TPR: variants seen among roughly 807,000 people sequenced by gnomAD.
TPR encodes the protein nucleoprotein TPR.
TPR carries 51 observed loss-of-function variants against 316.1 expected under a neutral mutation model. That is an observed-to-expected ratio of 0.16 (90% CI 0.13 to 0.20). The LOEUF is 0.20. TPR is among the 10% of genes least tolerant of loss of function. The pLI is 1.00. For missense variants in TPR, 2,272 were observed against 2,754.8 expected, an observed-to-expected ratio of 0.82 and a Z score of 3.92; for synonymous variants, 981 against 914.7, an observed-to-expected ratio of 1.07 and a Z score of -1.31.
At position 186,361,561 on chromosome 1, in the gene TPR, G is replaced by C. The variant is rs1308860022; in HGVS notation, c.958+61C>G. ...AATCCAATCATCTATACAAAACAAGGGTAAAAAAAAAAAAAGAGTACAATA... is the reference window on the plus strand; with the variant it reads ...AATCCAATCATCTATACAAAACAAGCGTAAAAAAAAAAAAAGAGTACAATA... On this transcript the variant is annotated intron_variant, in intron 9 of 50. Transcript: ENST00000367478. 20 of 1,495,946 alleles carry C rather than the reference G, an allele frequency of 1.3e-5. No homozygotes were observed. In the East Asian group the frequency reaches 4.4e-4, roughly 33 times the overall value. The allele number at this position is 1,495,946 out of a possible 1,614,324, so 92.7% of individuals were successfully genotyped here.
At position 186,327,230 on chromosome 1, in the gene TPR, ATATATTTATATATAT is replaced by A; in HGVS notation, c.5889+215_5889+229del. 8.8e-5 allele frequency among the ~76,000 whole-genome samples: 2 copies of A among 22,608 alleles called. 1 individual carries two copies. The highest frequency in any genetic ancestry group is 3.0e-4 in the African/African-American group (2 of 6,562). 14.8% of individuals were successfully genotyped at this position (22,608 alleles called of 152,430 possible). A position where few individuals can be genotyped will look rare whatever the true frequency, so the allele number is the denominator to read the frequency against. The stretch of plus-strand genomic sequence containing the variant: ...TATATAATATATATAAATATATAAT[ATATATTTATATATAT>A]AATATATATAAATATATAATATATA... On this transcript the variant is annotated intron_variant, in intron 40 of 50. Coordinates refer to ENST00000367478, the MANE Select transcript of TPR (RefSeq NM_003292.3).
intron 38 of TPR, among the ~76,000 whole-genome samples, chr1:186,331,920 C>T (rs1309928468): frequency 6.6e-6 from 1 of 151,990 alleles, no homozygotes. Flanking sequence ...GTCCATGAGA[C>T]TTAGAAACTT....
Position 186,311,887 on chromosome 1 carries a change from G to GT in TPR, c.*2083dup, listed in dbSNP as rs1657266418. ...TTGCACAAGGGCCATGCTAATCTCTGTATCATTCCAGTTTTAGTATATGTG... is the reference window on the plus strand; with the variant it reads ...TTGCACAAGGGCCATGCTAATCTCTGTTATCATTCCAGTTTTAGTATATGTG... On this transcript the variant is annotated 3_prime_UTR_variant, in exon 51 of 51. Coordinates refer to ENST00000367478, the MANE Select transcript of TPR (RefSeq NM_003292.3). 2 of 542,912 alleles carry GT rather than the reference G, an allele frequency of 3.7e-6. No homozygotes were observed. The allele number at this position is 542,912 out of a possible 1,614,324, so 33.6% of individuals were successfully genotyped here.
rs757346920 is a variant in TPR at position 186,351,286 on chromosome 1, G to A, written c.2610+44C>T. 12 of 1,536,696 alleles carry A rather than the reference G, an allele frequency of 7.8e-6. No individual in the cohort carries two copies. In the African/African-American group the frequency reaches 1.1e-4, roughly 14 times the overall value. On this transcript the variant is annotated intron_variant, in intron 20 of 50. Coordinates refer to ENST00000367478, the MANE Select transcript of TPR (RefSeq NM_003292.3). ...CTGTCCACACACCAGATTAATTACT[G>A]AACATAAACACCCTACAGAAATTCA...
chr1:186,355,587 C>T, intron 16 of TPR, 29 bp from the exon 17 acceptor site: 1 of 1,613,420 alleles, frequency 6.2e-7, no homozygotes. Flanking sequence ...GAGAAGGTAA[C>T]ACTGTGTTCT....
intron 5 of TPR, 79 bp from the exon 6 acceptor site, chr1:186,363,080 G>C: frequency 5.7e-6 from 8 of 1,399,884 alleles, no homozygotes; most frequent in Non-Finnish European, 7.7e-6. Flanking sequence ...GTAGCTAAGG[G>C]ACACAAGCAG....
intron 35 of TPR, 83 bp downstream of exon 35, chr1:186,334,985 T>C (rs542947647): frequency 9.3e-6 from 13 of 1,392,128 alleles, no homozygotes; most frequent in African/African-American, 1.4e-5. Flanking sequence ...TACACAGATT[T>C]CTTTTTCCTA....
chr1:186,312,779 T>A lies in TPR; in HGVS notation c.*1192A>T, dbSNP rs1448730112. ...ACATGCCACTTACAGGTGTCCTTCA[T>A]AATGAAGTTAAAGTGAGTATACTGT... is the stretch of plus-strand genomic sequence containing the variant. On this transcript the variant is annotated 3_prime_UTR_variant, in exon 51 of 51. Coordinates refer to ENST00000367478, the MANE Select transcript of TPR (RefSeq NM_003292.3). 1 of 1,612,936 alleles carries A rather than the reference T, an allele frequency of 6.2e-7. No homozygotes were observed. The highest frequency in any genetic ancestry group is 8.5e-7 in the Non-Finnish European group (1 of 1,179,076).
chr1:186,313,011 T>G lies in TPR; in HGVS notation c.*960A>C. On this transcript the variant is annotated 3_prime_UTR_variant, in exon 51 of 51. Coordinates refer to ENST00000367478, the MANE Select transcript of TPR (RefSeq NM_003292.3). ...ATGTGAGAAGTTACACTACGGTACTTATTCTAATTGCTGTGGAAAAGAGTT... is the reference window on the plus strand; with the variant it reads ...ATGTGAGAAGTTACACTACGGTACTGATTCTAATTGCTGTGGAAAAGAGTT... The G allele has an allele frequency of 9.1e-7, 1 of 1,104,788 alleles. No individual in the cohort carries two copies. The highest frequency in any genetic ancestry group is 2.4e-5 in the East Asian group (1 of 41,846). The allele number at this position is 1,104,788 out of a possible 1,614,324, so 68.4% of individuals were successfully genotyped here.
At chr1:186,344,204 G>A in intron 25 of TPR, 114 bp from the exon 26 acceptor site, 1 of 1,398,202 alleles carries the variant, frequency 7.2e-7, no homozygotes. Context: ...GGAGGCTGAG[G>A]CAGGAGAATT....
chr1:186,343,762 G>A, intron 26 of TPR, 144 bp downstream of exon 26: 4 of 895,700 alleles, frequency 4.5e-6, no homozygotes, highest in Non-Finnish European at 6.5e-6. Context: ...ATGTGTAAAT[G>A]TTAAAAGTTA....
At chr1:186,373,320 T>C in intron 2 of TPR, 39 bp downstream of exon 2, 3 of 1,459,130 alleles carry the variant, frequency 2.1e-6, no homozygotes, top group Non-Finnish European at 2.8e-6. Flanking sequence ...AAGATTTCGA[T>C]ACTCCGAGAA....
chr1:186,373,935 T>A (rs759592029), intron 1 of TPR, among the ~76,000 whole-genome samples: 4 of 152,188 alleles, frequency 2.6e-5, no homozygotes, highest in Non-Finnish European at 5.9e-5. Flanking sequence ...AGGGAAGGGA[T>A]TGAATATCAT....
chr1:186,320,172 G>T, intron 46 of TPR, 140 bp downstream of exon 46: 1 of 709,660 alleles, frequency 1.4e-6, no homozygotes, highest in Non-Finnish European at 2.2e-6. Flanking sequence ...GTATACTACA[G>T]CATTTAAAAA....
rs376659204 is a variant in TPR, at chr1:186,374,704, CA to C, written c.151+173del. ...TGAACTTAGATTCAGATTTTTTTTT[CA>C]AAGGCTTCTTATCAAACTGTAAGGA... On this transcript the variant is annotated intron_variant, in intron 1 of 50. Coordinates refer to ENST00000367478, the MANE Select transcript of TPR (RefSeq NM_003292.3). 3.5e-3 allele frequency among the ~76,000 whole-genome samples: 538 copies of C among 151,884 alleles called. 5 individuals carry two copies. Among genetic ancestry groups the C allele is most frequent in the African/African-American group, 0.013 (524 of 41,436 alleles).
Position 186,335,319 on chromosome 1 carries a change from A to G in TPR, c.4911+19T>C, listed in dbSNP as rs1051586009. 5 of 1,609,566 alleles carry G rather than the reference A, an allele frequency of 3.1e-6. No homozygotes were observed. The African/African-American group carries it at 4.0e-5, about 13-fold the overall frequency. The stretch of plus-strand genomic sequence containing the variant: ...ACAAAGAAAAACAATTTGTTACTTA[A>G]GCAGAATTAGCTAATCACCTTATTA... On this transcript the variant is annotated intron_variant, in intron 34 of 50. Transcript: ENST00000367478.
Position 186,313,129 on chromosome 1 carries a change from A to G in TPR, c.*842T>C, listed in dbSNP as rs753601576. On this transcript the variant is annotated 3_prime_UTR_variant, in exon 51 of 51. Coordinates refer to ENST00000367478, the MANE Select transcript of TPR (RefSeq NM_003292.3). The stretch of plus-strand genomic sequence containing the variant: ...GATTACGATAAAACATCCAGTTACT[A>G]GAGTAAACTTGCTACTGACAATAGT... The G allele has an allele frequency of 2.3e-5, 12 of 530,014 alleles. No homozygotes were observed. Among genetic ancestry groups the G allele is most frequent in the Non-Finnish European group, 3.7e-5 (11 of 294,522 alleles). 32.8% of individuals were successfully genotyped at this position (530,014 alleles called of 1,614,324 possible).
chr1:186,340,972 C>A, intron 29 of TPR, 56 bp downstream of exon 29: 1 of 1,574,798 alleles, frequency 6.4e-7, no homozygotes, highest in Non-Finnish European at 8.6e-7. Flanking sequence ...CCTAAGTTTC[C>A]CCTATTATTA....
chr1:186,357,641 A>T lies in TPR; in HGVS notation c.1498-18T>A. 19 of 1,602,774 alleles carry T rather than the reference A, an allele frequency of 1.2e-5. No individual in the cohort carries two copies. Among genetic ancestry groups the T allele is most frequent in the Non-Finnish European group, 1.6e-5 (19 of 1,172,558 alleles). On this transcript the variant is annotated intron_variant, in intron 13 of 50. Coordinates refer to ENST00000367478, the MANE Select transcript of TPR (RefSeq NM_003292.3). ...ACTCTAATCTAAAAACAAAGTTTTA[A>T]TATGTTATAAAATAGTATTAGTTAC... is the stretch of plus-strand genomic sequence containing the variant.
Sources: allele counts gnomAD v4.1 joint callset (sites outside exome capture counted in the v4.1 genomes callset), GRCh38; gene constraint gnomAD v4.1.1; transcripts MANE v1.5; gene names NCBI Gene and HGNC (gene_info 2026-07-23, HGNC 2026-07-21).